ZNF835: variants seen among roughly 807,000 people sequenced by gnomAD.
ZNF835 encodes zinc finger protein 835.
For synonymous variants in ZNF835, 323 were observed against 324.7 expected (o/e 0.99, Z 0.06); for missense variants, 783 against 758.4 (o/e 1.03, Z -0.38).
At chr19:56,666,790 G>T (rs1192107511) in intron 1 of ZNF835, among the ~76,000 whole-genome samples, 1 of 152,144 alleles carries the variant, frequency 6.6e-6, no homozygotes, top group Admixed American at 6.5e-5. Flanking sequence ...GACACCAGGG[G>T]GCTCACTTAC....
At position 56,663,906 on chromosome 19, in the gene ZNF835, G is replaced by A. The variant is rs370988934; in HGVS notation, c.1293C>T (p.Ser431=). The A allele has an allele frequency of 5.6e-5, 88 of 1,583,946 alleles. No individual in the cohort carries two copies. The African/African-American group carries it at 1.1e-3, about 21-fold the overall frequency. The change falls in exon 2 of 2, where the codon TCC becomes TCT. Residue 431 remains serine, a synonymous_variant. Coordinates refer to ENST00000537055, the MANE Select transcript of ZNF835 (RefSeq NM_001005850.3). ...GCGTGCGCTGGTGCAGGGCGAGCGAGGAGCCCTGGCTGAAAGCTTTGCCGC... is the reference window on the plus strand; with the variant it reads ...GCGTGCGCTGGTGCAGGGCGAGCGAAGAGCCCTGGCTGAAAGCTTTGCCGC... The part of the protein sequence containing the change: ...GECGKAFSQG[S]SLALHQRTHT...
intron 1 of ZNF835, among the ~76,000 whole-genome samples, chr19:56,666,263 T>C (rs1174319374): frequency 6.6e-6 from 1 of 152,158 alleles, no homozygotes; most frequent in Non-Finnish European, 1.5e-5. Flanking sequence ...CACGCCACCA[T>C]GCCCGGCTAA....
At chr19:56,667,186 G>A (rs2045253946) in intron 1 of ZNF835, among the ~76,000 whole-genome samples, 1 of 152,238 alleles carries the variant, frequency 6.6e-6, no homozygotes, top group African/African-American at 2.4e-5. Context: ...TTCTAGTGGG[G>A]CTGTGATGCT....
intron 1 of ZNF835, 26 bp downstream of exon 1, chr19:56,671,546 CACCT>C (rs2045293784): frequency 6.6e-6 from 1 of 152,658 alleles, no homozygotes. Context: ...CGCGGTCACA[CACCT>C]GCAGGAACAC....
intron 1 of ZNF835, among the ~76,000 whole-genome samples, chr19:56,666,925 GAC>G (rs1019984649): frequency 3.3e-4 from 50 of 152,236 alleles, no homozygotes; most frequent in African/African-American, 1.0e-3. Flanking sequence ...ACATTATGGG[GAC>G]ACTATTCAAC....
rs2045212897 is a variant in ZNF835 at position 56,664,002 on chromosome 19, G to GCTCTAT, written c.1196_1197insATAGAG (p.Phe399delinsLeuTer). On this transcript the variant is annotated stop_gained and protein_altering_variant, in exon 2 of 2. Transcript: ENST00000537055. LOFTEE classifies it low-confidence loss of function (END_TRUNC). ...GCTCTATAAGCGAGGACACGTGGCT[G>GCTCTAT]AAGGCGGCCCCGCATTGCAGGCACC... 1 of 1,612,732 alleles carries GCTCTAT rather than the reference G, an allele frequency of 6.2e-7. No individual in the cohort carries two copies. Among genetic ancestry groups the GCTCTAT allele is most frequent in the Admixed American group, 1.7e-5 (1 of 59,996 alleles).
At chr19:56,666,083 G>T (rs938637874) in intron 1 of ZNF835, among the ~76,000 whole-genome samples, 1 of 152,088 alleles carries the variant, frequency 6.6e-6, no homozygotes, top group African/African-American at 2.4e-5. Flanking sequence ...AGCTTTAGAG[G>T]GGGTCATGAG....
intron 1 of ZNF835, among the ~76,000 whole-genome samples, chr19:56,666,214 C>A (rs1443429803): frequency 6.6e-6 from 1 of 152,142 alleles, no homozygotes; most frequent in Non-Finnish European, 1.5e-5. Flanking sequence ...TCAAGCAATT[C>A]TTCTGCCTCA....
chr19:56,667,979 T>C (rs1392945219), intron 1 of ZNF835, among the ~76,000 whole-genome samples: 1 of 152,100 alleles, frequency 6.6e-6, no homozygotes. Context: ...TCTTTCTTTT[T>C]TTGTTTTTTT....
At chr19:56,669,550 G>T (rs955177474) in intron 1 of ZNF835, among the ~76,000 whole-genome samples, 9 of 136,712 alleles carry the variant, frequency 6.6e-5, no homozygotes, top group Non-Finnish European at 1.2e-4. Context: ...GGTCTACCAG[G>T]AGTCCTCCAT....
In ZNF835 at chr19:56,665,133, G is replaced by GCCCT; in HGVS notation, c.62_65dup (p.Gln23GlyfsTer4). ...GGTTTTCCTGCAGGTCCTCAACCTG[G>GCCCT]CCCTCGTGTTTCCAGTTTCCTTCCA... On this transcript the variant is annotated frameshift_variant, in exon 2 of 2. Coordinates refer to ENST00000537055, the MANE Select transcript of ZNF835 (RefSeq NM_001005850.3). LOFTEE classifies it low-confidence loss of function (END_TRUNC). The GCCCT allele has an allele frequency of 6.2e-7, 1 of 1,614,048 alleles. No homozygotes were observed. Among genetic ancestry groups the GCCCT allele is most frequent in the Non-Finnish European group, 8.5e-7 (1 of 1,179,906 alleles).
In ZNF835 at chr19:56,663,427, A is replaced by G. The variant is rs543549655; in HGVS notation, c.*158T>C. ...CAGGAAGACCGCAGGGGAGTCTGGC[A>G]GATGTGAGGTACAGTCTTAGCCCTG... On this transcript the variant is annotated 3_prime_UTR_variant, in exon 2 of 2. Transcript: ENST00000537055. 15 of 1,017,832 alleles carry G rather than the reference A, an allele frequency of 1.5e-5. No individual in the cohort carries two copies. The highest frequency in any genetic ancestry group is 2.1e-5 in the Non-Finnish European group (15 of 706,428). The allele number at this position is 1,017,832 out of a possible 1,614,324, so 63.1% of individuals were successfully genotyped here.
chr19:56,671,491 A>AT (rs1192088890), intron 1 of ZNF835, 85 bp downstream of exon 1: 13 of 150,788 alleles, frequency 8.6e-5, no homozygotes, highest in Non-Finnish European at 1.3e-4. Flanking sequence ...TGACACCGCT[A>AT]AGTGAACAGG....
chr19:56,663,699 C>T lies in ZNF835; in HGVS notation c.1500G>A (p.Ser500=), dbSNP rs867345358. ...IRHQRTHADS[S]GRLCPAPTPD... is the part of the protein sequence containing the mutation. ...GCGTGGGAGCTGGGCAAAGGCGTCC[C>T]GAACTGTCTGCATGCGTCCTCTGGT... is the stretch of plus-strand genomic sequence containing the variant. The change falls in exon 2 of 2, where the codon TCG becomes TCA. Residue 500 remains serine (S), a synonymous_variant. Coordinates refer to ENST00000537055, the MANE Select transcript of ZNF835 (RefSeq NM_001005850.3). 6.2e-7 allele frequency: 1 copy of T among 1,613,894 alleles called. No homozygotes were observed. Among genetic ancestry groups the T allele is most frequent in the Non-Finnish European group, 8.5e-7 (1 of 1,179,912 alleles).
chr19:56,664,248 C>A lies in ZNF835; in HGVS notation c.951G>T (p.Gln317His). 1 of 1,589,006 alleles carries A rather than the reference C, an allele frequency of 6.3e-7. No homozygotes were observed. The highest frequency in any genetic ancestry group is 8.5e-7 in the Non-Finnish European group (1 of 1,171,472). Residue 317 changes from glutamine to histidine, a missense_variant, in exon 2 of 2, where the codon CAG becomes CAT. Gln to His is a conservative substitution (Grantham distance 24). Coordinates refer to ENST00000537055, the MANE Select transcript of ZNF835 (RefSeq NM_001005850.3). Reference protein sequence around the residue: ...TCQDCGALFSQSASLAEHRRI... With the variant: ...TCQDCGALFSHSASLAEHRRI... ...GCCGGTGCTCGGCCAGAGAGGCGCT[C>A]TGGCTGAAGAGCGCGCCGCAGTCCT...
chr19:56,664,916 G>C lies in ZNF835; in HGVS notation c.283C>G (p.Pro95Ala), dbSNP rs542297221. The C allele has an allele frequency of 1.1e-5, 18 of 1,613,928 alleles. No individual in the cohort carries two copies. The highest frequency in any genetic ancestry group is 2.2e-5 in the South Asian group (2 of 91,052). Residue 95 changes from proline to alanine, a missense_variant, in exon 2 of 2, where the codon CCT becomes GCT. Pro to Ala is a conservative substitution (Grantham distance 27). Coordinates refer to ENST00000537055, the MANE Select transcript of ZNF835 (RefSeq NM_001005850.3). Reference protein sequence around the residue: ...APGESPKERHPDSRQRERGGG... With the variant: ...APGESPKERHADSRQRERGGG... ...CCTCTCTCCCGCTGGCGGCTGTCAGGATGCCTCTCCTTCGGGCTCTCCCCA... is the reference window on the plus strand; with the variant it reads ...CCTCTCTCCCGCTGGCGGCTGTCAGCATGCCTCTCCTTCGGGCTCTCCCCA...
rs2148052333 is a variant in ZNF835, at chr19:56,663,950, G to C, written c.1249C>G (p.Pro417Ala). The change falls in exon 2 of 2, where the codon CCC (proline) becomes GCC (alanine). Residue 417 changes from proline (P) to alanine (A), a missense_variant. Coordinates refer to ENST00000537055, the MANE Select transcript of ZNF835 (RefSeq NM_001005850.3). ...TTGCCGCACTCGCCGCACTTGTAGG[G>C]CCGCTCTCCGGTGTGGATCTTCTGG... ...EHQKIHTGER[P>A]YKCGECGKAF... 3 of 1,612,970 alleles carry C rather than the reference G, an allele frequency of 1.9e-6. No homozygotes were observed. The highest frequency in any genetic ancestry group is 2.5e-6 in the Non-Finnish European group (3 of 1,179,698).
chr19:56,664,266 G>T lies in ZNF835; in HGVS notation c.933C>A (p.Cys311Ter). ...AGGCGCTCTGGCTGAAGAGCGCGCC[G>T]CAGTCCTGGCACGTGTAGGGCTTCT... ...TGEKPYTCQD[C>*]GALFSQSASL... Residue 311 changes from cysteine (C) to a stop codon, truncating the protein, a stop_gained, in exon 2 of 2, where the codon TGC becomes TGA. Coordinates refer to ENST00000537055, the MANE Select transcript of ZNF835 (RefSeq NM_001005850.3). LOFTEE classifies it low-confidence loss of function (END_TRUNC). 1 of 1,606,286 alleles carries T rather than the reference G, an allele frequency of 6.2e-7. No individual in the cohort carries two copies. The highest frequency in any genetic ancestry group is 8.5e-7 in the Non-Finnish European group (1 of 1,176,720).
Position 56,663,733 on chromosome 19 carries a change from A to G in ZNF835, c.1466T>C (p.Leu489Pro). ...TGCATGCGTCCTCTGGTGTCGGATGAGCGCGGAGGAGAAGCTGAAGGCCTT... is the reference window on the plus strand; with the variant it reads ...TGCATGCGTCCTCTGGTGTCGGATGGGCGCGGAGGAGAAGCTGAAGGCCTT... ...CGKAFSFSSA[L>P]IRHQRTHADS... Residue 489 changes from leucine (L) to proline (P), a missense_variant, in exon 2 of 2, where the codon CTC becomes CCC. Leu to Pro is a moderately conservative substitution (Grantham distance 98, BLOSUM62 -3). Coordinates refer to ENST00000537055, the MANE Select transcript of ZNF835 (RefSeq NM_001005850.3). 6.2e-7 allele frequency: 1 copy of G among 1,613,970 alleles called. No individual in the cohort carries two copies. Among genetic ancestry groups the G allele is most frequent in the African/African-American group, 1.3e-5 (1 of 75,052 alleles).
Sources: allele counts gnomAD v4.1 joint callset (sites outside exome capture counted in the v4.1 genomes callset), GRCh38; gene constraint gnomAD v4.1.1; transcripts MANE v1.5; gene names NCBI Gene and HGNC (gene_info 2026-07-23, HGNC 2026-07-21).